The following PIEZO2 variants were observed in gnomAD, a reference collection of about 807,000 sequenced individuals.
The protein encoded by PIEZO2 is piezo type mechanosensitive ion channel component 2.
In PIEZO2, 172 loss-of-function variants were observed where a neutral mutation model predicts 337.3. The ratio of observed to expected loss-of-function variants is 0.51; its 90% CI spans 0.45 to 0.58. The LOEUF is 0.58. Among genes scored for constraint, PIEZO2 ranks in the 20% least tolerant of loss-of-function variants. PIEZO2 has a pLI of 0.00. For missense variants in PIEZO2, 3,028 were observed against 3,391.3 expected (o/e 0.89, Z 2.66); for synonymous variants, 1,251 against 1,228.5 (o/e 1.02, Z -0.38).
Position 10,699,085 on chromosome 18 carries a change from C to T in PIEZO2, c.6534G>A (p.Arg2178=). Residue 2178 remains arginine (R), a synonymous_variant, in exon 44 of 56, where the codon AGG becomes AGA. Coordinates refer to ENST00000674853, the MANE Select transcript of PIEZO2 (RefSeq NM_001378183.1). ...DDELSLGHGR[R]DSSDSLKSIN... Reference sequence around the variant, plus strand: ...TGGACTTGAGAGAATCGGAGGAGTCCCTCCTGCCATGACCGAGGGAGAGCT... The same window carrying T: ...TGGACTTGAGAGAATCGGAGGAGTCTCTCCTGCCATGACCGAGGGAGAGCT... 3 of 1,537,212 alleles carry T rather than the reference C, an allele frequency of 2.0e-6. No homozygotes were observed. The highest frequency in any genetic ancestry group is 2.6e-6 in the Non-Finnish European group (3 of 1,146,914).
At chr18:11,086,436 C>G (rs3975422) in intron 1 of PIEZO2, among the ~76,000 whole-genome samples, 36,491 of 148,518 alleles carry the variant, frequency 0.25, 4,716 homozygotes, top group African/African-American at 0.31. Context: ...GGAGAATGGC[C>G]TGAACCCGGG....
intron 3 of PIEZO2, among the ~76,000 whole-genome samples, chr18:10,964,844 G>A (rs1373147483): frequency 2.0e-5 from 3 of 152,202 alleles, no homozygotes; most frequent in African/African-American, 2.4e-5. Context: ...TCTAAATGGA[G>A]TCATACAGTA....
chr18:11,126,371 G>A lies in PIEZO2; in HGVS notation c.64+22154C>T, dbSNP rs1018802059. On this transcript the variant is annotated intron_variant, in intron 1 of 55. Coordinates refer to ENST00000674853, the MANE Select transcript of PIEZO2 (RefSeq NM_001378183.1). This position sits in a 1 kb window ranked among gnomAD's most constrained non-coding sequence, Gnocchi z 4.6. ...GCAAGGACTCACCTCATTGCACTGCGCCAGCCTGAGCGCCCATGGCCACAG... is the reference window on the plus strand; with the variant it reads ...GCAAGGACTCACCTCATTGCACTGCACCAGCCTGAGCGCCCATGGCCACAG... Among the ~76,000 whole-genome samples, 3 of 152,044 alleles carry A rather than the reference G, an allele frequency of 2.0e-5. No individual in the cohort carries two copies. The highest frequency in any genetic ancestry group is 2.1e-4 in the South Asian group (1 of 4,814).
intron 48 of PIEZO2, among the ~76,000 whole-genome samples, chr18:10,690,941 T>C (rs369040918): frequency 1.3e-5 from 2 of 152,166 alleles, no homozygotes; most frequent in Admixed American, 1.3e-4. Flanking sequence ...TACTTACAGA[T>C]CATGTATCCC....
intron 2 of PIEZO2, among the ~76,000 whole-genome samples, chr18:11,004,150 C>A (rs1034345652): frequency 3.3e-5 from 5 of 152,168 alleles, no homozygotes; most frequent in Non-Finnish European, 7.3e-5. Flanking sequence ...CTATGAGAAG[C>A]ACATGGGTTA....
At chr18:10,762,850 G>A (rs2038194675) in intron 22 of PIEZO2, 72 bp downstream of exon 22, 1 of 1,466,774 alleles carries the variant, frequency 6.8e-7, no homozygotes, top group South Asian at 1.3e-5. Context: ...GCTTGGGGAT[G>A]GGGGTTCCCC....
At position 10,713,447 on chromosome 18, in the gene PIEZO2, G is replaced by A. The variant is rs2298740; in HGVS notation, c.5423+1317C>T. On this transcript the variant is annotated intron_variant, in intron 39 of 55. Coordinates refer to ENST00000674853, the MANE Select transcript of PIEZO2 (RefSeq NM_001378183.1). This position sits in a 1 kb window ranked among gnomAD's most constrained non-coding sequence, Gnocchi z 4.5. ...ATATCAATAAAATGGTCTCAGCTCC[G>A]TCTCCTATTTCATCTGGAAATATAT... is the stretch of plus-strand genomic sequence containing the variant. Among the ~76,000 whole-genome samples, 253 of 151,924 alleles carry A rather than the reference G, an allele frequency of 1.7e-3. No homozygotes were observed. Among genetic ancestry groups the A allele is most frequent in the African/African-American group, 5.7e-3 (236 of 41,414 alleles).
At chr18:10,685,436 A>G (rs1487162608) in intron 49 of PIEZO2, among the ~76,000 whole-genome samples, 1 of 152,232 alleles carries the variant, frequency 6.6e-6, no homozygotes, top group Non-Finnish European at 1.5e-5. Flanking sequence ...GCTGTGATAT[A>G]TTAAAATGAG....
chr18:10,773,492 C>A lies in PIEZO2; in HGVS notation c.2705G>T (p.Gly902Val). The stretch of plus-strand genomic sequence containing the variant: ...CTCCTCGCTGTCTTTCCCAAGATCA[C>A]CCTTCTGGGCTTTTTCAGAGTAGCC... ...LEGYSEKAQK[G>V]DLGKDSEESE... is the part of the protein sequence containing the mutation. The change falls in exon 20 of 56, where the codon GGT becomes GTT. Residue 902 changes from glycine to valine, a missense_variant. Around this residue, in one of 5 missense-constraint regions of PIEZO2, gnomAD observed 1,925 missense variants for 2,051.9 expected, o/e 0.94. Transcript: ENST00000674853. This position sits in a 1 kb window ranked among gnomAD's most constrained non-coding sequence, Gnocchi z 5.3. 6.5e-7 allele frequency: 1 copy of A among 1,537,484 alleles called. No individual in the cohort carries two copies.
intron 7 of PIEZO2, among the ~76,000 whole-genome samples, chr18:10,823,371 A>C (rs964300545): frequency 1.3e-5 from 2 of 152,158 alleles, no homozygotes; most frequent in Admixed American, 6.5e-5. Flanking sequence ...TCCCTTCACA[A>C]CTATGATGAC....
intron 21 of PIEZO2, among the ~76,000 whole-genome samples, chr18:10,768,479 C>G (rs2038459255): frequency 6.6e-6 from 1 of 152,138 alleles, no homozygotes; most frequent in Admixed American, 6.5e-5. Context: ...CCGGAAACCC[C>G]CCATGCAGGT....
At chr18:10,691,489 A>G (rs1306863988) in intron 47 of PIEZO2, 106 bp from the exon 48 acceptor site, 4 of 1,170,126 alleles carry the variant, frequency 3.4e-6, no homozygotes, top group Non-Finnish European at 4.8e-6. Context: ...CCCCTTCATC[A>G]TTCCAACTCA....
At chr18:10,841,921 T>C (rs1276446666) in intron 7 of PIEZO2, among the ~76,000 whole-genome samples, 3 of 152,186 alleles carry the variant, frequency 2.0e-5, no homozygotes, top group African/African-American at 7.2e-5. Flanking sequence ...CTGAGCACTT[T>C]GGGAGACGGG....
chr18:11,086,743 C>T (rs185861452), intron 1 of PIEZO2, among the ~76,000 whole-genome samples: 36 of 130,432 alleles, frequency 2.8e-4, no homozygotes, highest in African/African-American at 8.1e-4. Flanking sequence ...AAAAGAGACA[C>T]ATAAATAATT....
intron 11 of PIEZO2, among the ~76,000 whole-genome samples, chr18:10,798,474 C>T (rs963390227): frequency 5.3e-5 from 8 of 152,162 alleles, no homozygotes; most frequent in African/African-American, 1.9e-4. Context: ...ACTGGATGAG[C>T]CTGCAGTTTA....
Position 10,731,437 on chromosome 18 carries a change from G to A in PIEZO2, c.4999C>T (p.Arg1667Trp), listed in dbSNP as rs377309185. The A allele has an allele frequency of 4.8e-5, 73 of 1,534,904 alleles. 1 individual carries two copies. Among genetic ancestry groups the A allele is most frequent in the South Asian group, 8.3e-5 (7 of 83,852 alleles). ...TTGGATCCTTTCCGCCTTCGTTTCCGTTCTTCTCTTGCAGACCTTTTTTTC... is the reference window on the plus strand; with the variant it reads ...TTGGATCCTTTCCGCCTTCGTTTCCATTCTTCTCTTGCAGACCTTTTTTTC... ...KEKKRSAREE[R>W]KRRRKGSKEG... The change falls in exon 36 of 56, where the codon CGG (arginine) becomes TGG (tryptophan). Residue 1667 changes from arginine to tryptophan, a missense_variant. By Grantham distance (101) the Arg-to-Trp change is moderately radical. Around this residue, in one of 5 missense-constraint regions of PIEZO2, gnomAD observed 1,925 missense variants for 2,051.9 expected, o/e 0.94. Coordinates refer to ENST00000674853, the MANE Select transcript of PIEZO2 (RefSeq NM_001378183.1).
intron 7 of PIEZO2, 42 bp from the exon 8 acceptor site, chr18:10,807,316 C>G: frequency 6.7e-7 from 1 of 1,500,392 alleles, no homozygotes; most frequent in South Asian, 1.2e-5. Context: ...ATGCAATAAG[C>G]TATATGTCTC....
At chr18:10,891,578 C>T (rs1374589714) in intron 4 of PIEZO2, among the ~76,000 whole-genome samples, 1 of 152,154 alleles carries the variant, frequency 6.6e-6, no homozygotes, top group Non-Finnish European at 1.5e-5. Flanking sequence ...GAGGACAATT[C>T]GCACTCACAG....
chr18:11,055,272 G>C (rs918042227), intron 2 of PIEZO2, among the ~76,000 whole-genome samples: 15 of 151,266 alleles, frequency 9.9e-5, no homozygotes, highest in African/African-American at 3.7e-4. Context: ...GCCCCACAGA[G>C]GAGGTTTGCA....
Sources: allele counts gnomAD v4.1 joint callset (sites outside exome capture counted in the v4.1 genomes callset), GRCh38; gene constraint gnomAD v4.1.1; regional missense constraint gnomAD v4.1.1; non-coding constraint Gnocchi (gnomAD v3.1); transcripts MANE v1.5; gene names NCBI Gene and HGNC (gene_info 2026-07-23, HGNC 2026-07-21).